The following PRKG1 variants were observed in gnomAD, a reference collection of about 807,000 sequenced individuals.
The protein encoded by PRKG1 is cGMP-dependent protein kinase 1.
Under a neutral mutation model 88.1 loss-of-function variants are expected in PRKG1, and 35 were observed. The observed-to-expected ratio is 0.40, with a 90% CI of 0.30 to 0.53. The LOEUF (loss-of-function observed/expected upper bound fraction) is 0.53. PRKG1 is among the 20% of genes least tolerant of loss of function. PRKG1 has a pLI of 0.59. For synonymous variants in PRKG1, 303 were observed against 292.5 expected (o/e 1.04, Z -0.37); for missense variants, 540 against 839.8 (o/e 0.64, Z 4.41).
chr10:51,055,463 T>C (rs1843615142), intron 1 of PRKG1, among the ~76,000 whole-genome samples: 1 of 152,124 alleles, frequency 6.6e-6, no homozygotes, highest in South Asian at 2.1e-4. Context: ...AGTCTCTCAG[T>C]GCAGGGTCAA....
chr10:51,226,021 C>T (rs769632838), intron 2 of PRKG1, among the ~76,000 whole-genome samples: 3 of 151,974 alleles, frequency 2.0e-5, no homozygotes, highest in South Asian at 2.1e-4. Context: ...CTGGGCAACA[C>T]GGTGAAACAC....
chr10:51,445,929 T>C (rs547587020), intron 2 of PRKG1, among the ~76,000 whole-genome samples: 1 of 152,028 alleles, frequency 6.6e-6, no homozygotes, highest in Admixed American at 6.6e-5. Flanking sequence ...TGCTCAAACA[T>C]TCAATCAGCA....
chr10:51,862,159 CATGTTATAGCTCATTG>C (rs879559364), intron 4 of PRKG1, among the ~76,000 whole-genome samples: 29 of 152,266 alleles, frequency 1.9e-4, no homozygotes, highest in South Asian at 2.1e-4. Context: ...GGGAGAGGGG[CATGTTATAGCTCATTG>C]ATGTTATAGC....
chr10:51,773,359 C>G (rs1256612700), intron 3 of PRKG1, among the ~76,000 whole-genome samples: 1 of 152,004 alleles, frequency 6.6e-6, no homozygotes, highest in Non-Finnish European at 1.5e-5. Flanking sequence ...TCCATGGAAT[C>G]TTGATTCATG....
At position 51,388,061 on chromosome 10, in the gene PRKG1, A is replaced by G. The variant is rs537488184; in HGVS notation, c.479-79662A>G. On this transcript the variant is annotated intron_variant, in intron 2 of 17. Transcript: ENST00000373980. ...GTTTAACATTTAATGTTCTAATTTA[A>G]GAGTTGAAGAAATGATGTGGTATAT... Among the ~76,000 whole-genome samples the G allele has an allele frequency of 5.9e-5, 9 of 152,244 alleles. No individual in the cohort carries two copies. The South Asian group carries it at 1.9e-3, about 32-fold the overall frequency.
chr10:51,827,186 A>T (rs1365582784), intron 4 of PRKG1, among the ~76,000 whole-genome samples: 1 of 152,274 alleles, frequency 6.6e-6, no homozygotes. Flanking sequence ...CTAAATATTC[A>T]ATTTCTTGAT....
chr10:52,067,746 A>G (rs1846388677), intron 7 of PRKG1, among the ~76,000 whole-genome samples: 1 of 151,734 alleles, frequency 6.6e-6, no homozygotes, highest in South Asian at 2.1e-4. Context: ...TTGCTCTGAT[A>G]AGTGTTTATA....
intron 1 of PRKG1, among the ~76,000 whole-genome samples, chr10:51,114,006 A>G (rs1399829111): frequency 6.6e-6 from 1 of 150,554 alleles, no homozygotes; most frequent in Non-Finnish European, 1.5e-5. Flanking sequence ...CATTTTAACT[A>G]AAACTGTGTT....
chr10:51,305,412 G>A (rs1448252828), intron 2 of PRKG1, among the ~76,000 whole-genome samples: 2 of 152,264 alleles, frequency 1.3e-5, no homozygotes, highest in Non-Finnish European at 2.9e-5. Context: ...CAGAAAAGCT[G>A]TTGGGGGTGA....
At chr10:51,855,793 A>T (rs1447204377) in intron 4 of PRKG1, among the ~76,000 whole-genome samples, 1 of 152,224 alleles carries the variant, frequency 6.6e-6, no homozygotes, top group Non-Finnish European at 1.5e-5. Flanking sequence ...CCAAGAAAAA[A>T]GCGTTTATTG....
chr10:52,288,469 C>T (rs148491685), intron 14 of PRKG1, among the ~76,000 whole-genome samples: 199 of 152,148 alleles, frequency 1.3e-3, no homozygotes, highest in African/African-American at 4.3e-3. Context: ...CCAAGGACAG[C>T]ATGAGGGCTT....
At chr10:52,178,279 G>A (rs893763335) in intron 9 of PRKG1, among the ~76,000 whole-genome samples, 2 of 151,910 alleles carry the variant, frequency 1.3e-5, no homozygotes, top group Non-Finnish European at 2.9e-5. Context: ...CATTCAGTAG[G>A]ATGTGGTTTA....
chr10:51,905,086 C>T (rs1842056578), intron 4 of PRKG1, among the ~76,000 whole-genome samples: 1 of 152,140 alleles, frequency 6.6e-6, no homozygotes, highest in Admixed American at 6.6e-5. Context: ...TCAGAAGAAA[C>T]TGAAATATAG....
intron 1 of PRKG1, among the ~76,000 whole-genome samples, chr10:51,088,808 A>ATTTT (rs200475991): frequency 2.3e-4 from 31 of 137,008 alleles, no homozygotes; most frequent in South Asian, 4.7e-4. Flanking sequence ...ATTTAATATG[A>ATTTT]TTTTTTTTTT....
intron 3 of PRKG1, among the ~76,000 whole-genome samples, chr10:51,777,142 T>G (rs976649737): frequency 1.3e-5 from 2 of 152,190 alleles, no homozygotes; most frequent in Non-Finnish European, 2.9e-5. Context: ...TAGTCTAATT[T>G]GTACTGTAGT....
intron 2 of PRKG1, among the ~76,000 whole-genome samples, chr10:51,258,164 C>T (rs896984493): frequency 3.9e-5 from 6 of 152,158 alleles, no homozygotes; most frequent in South Asian, 2.1e-4. Flanking sequence ...TCTCCAGACA[C>T]GACAGGACCC....
At chr10:51,920,185 G>A (rs562432599) in intron 5 of PRKG1, among the ~76,000 whole-genome samples, 1 of 152,118 alleles carries the variant, frequency 6.6e-6, no homozygotes, top group Non-Finnish European at 1.5e-5. Flanking sequence ...GGGAAGCTAA[G>A]GACAGAAAGA....
At chr10:51,629,321 C>T (rs1392726773) in intron 3 of PRKG1, among the ~76,000 whole-genome samples, 3 of 151,954 alleles carry the variant, frequency 2.0e-5, no homozygotes, top group Non-Finnish European at 4.4e-5. Context: ...GAGGATGATT[C>T]AAGGGCATTA....
chr10:51,701,266 T>C (rs192794774), intron 3 of PRKG1, among the ~76,000 whole-genome samples: 3 of 152,374 alleles, frequency 2.0e-5, no homozygotes, highest in South Asian at 2.1e-4. Flanking sequence ...GAAATATGCC[T>C]CTTAAGTGGA....
Sources: allele counts gnomAD v4.1 joint callset (sites outside exome capture counted in the v4.1 genomes callset), GRCh38; gene constraint gnomAD v4.1.1; transcripts MANE v1.5; gene names NCBI Gene and HGNC (gene_info 2026-07-23, HGNC 2026-07-21).